KIAA0040: variants seen among roughly 807,000 people sequenced by gnomAD.
KIAA0040 encodes uncharacterized protein KIAA0040.
KIAA0040 carries 10 observed loss-of-function variants against 7.2 expected under a neutral mutation model. The observed-to-expected ratio is 1.38, with a 90% CI of 0.85 to 2.34. The LOEUF (loss-of-function observed/expected upper bound fraction) is 2.34. Ranked by LOEUF, KIAA0040 falls within the 30% of genes most tolerant of loss-of-function variation. The probability of loss-of-function intolerance (pLI) is 0.00; values close to 1 mark genes in which losing one functional copy is unlikely to be tolerated. For synonymous variants in KIAA0040, 49 were observed against 40.1 expected, an observed-to-expected ratio of 1.22 and a Z score of -0.84; for missense variants, 89 against 108.2, an observed-to-expected ratio of 0.82 and a Z score of 0.79.
At chr1:175,182,134 G>C (rs1291791231) in intron 1 of KIAA0040, among the ~76,000 whole-genome samples, 1 of 152,160 alleles carries the variant, frequency 6.6e-6, no homozygotes, top group Non-Finnish European at 1.5e-5. Context: ...GAGTGTCCGG[G>C]GATAGGGCCA....
intron 2 of KIAA0040, among the ~76,000 whole-genome samples, chr1:175,171,075 G>A (rs1676974035): frequency 6.6e-6 from 1 of 152,212 alleles, no homozygotes. Flanking sequence ...GTTTTCCTCA[G>A]ATCTTGGCGT....
chr1:175,185,541 G>A (rs1677627755), intron 1 of KIAA0040, among the ~76,000 whole-genome samples: 1 of 152,138 alleles, frequency 6.6e-6, no homozygotes, highest in Admixed American at 6.5e-5. Flanking sequence ...GACCAGACAG[G>A]AAAAGGTATG....
chr1:175,172,866 A>T (rs1677041441), intron 2 of KIAA0040, among the ~76,000 whole-genome samples: 1 of 152,192 alleles, frequency 6.6e-6, no homozygotes, highest in Non-Finnish European at 1.5e-5. Flanking sequence ...GTGTAAGTAT[A>T]TTTCACACAG....
In KIAA0040 at chr1:175,160,715, T is replaced by C; in HGVS notation, c.299A>G (p.Ter100TrpextTer28). The C allele has an allele frequency of 6.5e-7, 1 of 1,544,256 alleles. No homozygotes were observed. The change falls in exon 4 of 4, where the codon TAG (stop) becomes TGG (tryptophan). Residue 100 changes from the stop codon to tryptophan (W), a stop_lost. Coordinates refer to ENST00000423313, the MANE Select transcript of KIAA0040 (RefSeq NM_014656.3). ...GAAACACCTCTGCTTCCTGCCTAAC[T>C]AAACAGGCAGTGATGGTCTCTTCTC... is the stretch of plus-strand genomic sequence containing the variant. The part of the protein sequence containing the change: ...QMEKRPSLPV[*>W]
chr1:175,192,838 C>CCCGCT (rs1291667016), upstream of KIAA0040: 8 of 150,476 alleles, frequency 5.3e-5, no homozygotes, highest in East Asian at 1.0e-3. Flanking sequence ...CCCGCCCCGC[C>CCCGCT]CCGCTCCACC....
At chr1:175,191,198 T>C (rs6677931) in intron 1 of KIAA0040, among the ~76,000 whole-genome samples, 74,355 of 152,170 alleles carry the variant, frequency 0.49, 18,708 homozygotes, top group Non-Finnish European at 0.56. Flanking sequence ...TATACTGGCC[T>C]GCACACGGTA....
At chr1:175,191,097 T>G (rs1052914278) in intron 1 of KIAA0040, among the ~76,000 whole-genome samples, 11 of 152,218 alleles carry the variant, frequency 7.2e-5, no homozygotes, top group Non-Finnish European at 1.6e-4. Context: ...TATCCTGAAC[T>G]GCAGTTTATT....
At position 175,161,128 on chromosome 1, in the gene KIAA0040, G is replaced by T; in HGVS notation, c.-115C>A. ...TATTCCTCTTCCAGCTTTGGGTTTG[G>T]GCATGCCACTGGCAGCACCTGAAGA... On this transcript the variant is annotated 5_prime_UTR_variant, in exon 4 of 4. Transcript: ENST00000423313. 3.1e-6 allele frequency: 3 copies of T among 977,160 alleles called. No homozygotes were observed. The highest frequency in any genetic ancestry group is 3.0e-6 in the Non-Finnish European group (2 of 667,406). 60.5% of individuals were successfully genotyped at this position (977,160 alleles called of 1,614,324 possible). A position where few individuals can be genotyped will look rare whatever the true frequency, so the allele number is the denominator to read the frequency against.
intron 3 of KIAA0040, among the ~76,000 whole-genome samples, chr1:175,161,653 T>C (rs1185062806): frequency 6.6e-6 from 1 of 152,196 alleles, no homozygotes; most frequent in Non-Finnish European, 1.5e-5. Flanking sequence ...CTGTCTGTAG[T>C]AGGGAACCTG....
chr1:175,188,623 C>A (rs989631371), intron 1 of KIAA0040, among the ~76,000 whole-genome samples: 5 of 152,174 alleles, frequency 3.3e-5, no homozygotes, highest in Admixed American at 2.0e-4. Context: ...CTCTTCCTGA[C>A]AAGTTTGAGG....
At chr1:175,190,875 A>G (rs944264581) in intron 1 of KIAA0040, among the ~76,000 whole-genome samples, 1 of 152,168 alleles carries the variant, frequency 6.6e-6, no homozygotes, top group Non-Finnish European at 1.5e-5. Flanking sequence ...TGTAATTCCT[A>G]TTACACGCTA....
upstream of KIAA0040, chr1:175,192,947 C>G (rs1571225399): frequency 1.3e-5 from 2 of 152,256 alleles, no homozygotes; most frequent in South Asian, 4.1e-4. Context: ...CGCTCCAACT[C>G]TGTCCTGCCC....
intron 2 of KIAA0040, among the ~76,000 whole-genome samples, chr1:175,168,840 C>G (rs1483372125): frequency 6.6e-6 from 1 of 152,210 alleles, no homozygotes; most frequent in Non-Finnish European, 1.5e-5. Context: ...CAGCCCCTTA[C>G]GTCTCTGTGG....
rs915132354 is a variant in KIAA0040 at position 175,158,081 on chromosome 1, G to A, written c.*2633C>T. 6.6e-6 allele frequency: 1 copy of A among 152,402 alleles called. No individual in the cohort carries two copies. The highest frequency in any genetic ancestry group is 1.5e-5 in the Non-Finnish European group (1 of 68,204). The allele number at this position is 152,402 out of a possible 1,614,324, so 9.4% of individuals were successfully genotyped here. On this transcript the variant is annotated 3_prime_UTR_variant, in exon 4 of 4. Transcript: ENST00000423313. Reference sequence around the variant, plus strand: ...AGAAGGAAGTGGAAAGAAGAGAGTGGATATCAACAATGGCCTTAGGCTCCT... The same window carrying A: ...AGAAGGAAGTGGAAAGAAGAGAGTGAATATCAACAATGGCCTTAGGCTCCT...
At chr1:175,174,996 T>C (rs1010131270) in intron 2 of KIAA0040, among the ~76,000 whole-genome samples, 2 of 152,172 alleles carry the variant, frequency 1.3e-5, no homozygotes, top group African/African-American at 4.8e-5. Context: ...GAAGTTTTGT[T>C]TTTGGAGAGC....
chr1:175,180,268 T>C (rs1015076068), intron 1 of KIAA0040, among the ~76,000 whole-genome samples: 2 of 152,258 alleles, frequency 1.3e-5, no homozygotes, highest in African/African-American at 2.4e-5. Context: ...ATTCCCATCA[T>C]GGCATCCTCT....
intron 3 of KIAA0040, among the ~76,000 whole-genome samples, chr1:175,163,113 C>T (rs944234624): frequency 9.2e-5 from 14 of 152,320 alleles, no homozygotes; most frequent in South Asian, 2.1e-4. Context: ...GCTCCAGATC[C>T]GCAAGGAGTG....
rs1416834267 is a variant in KIAA0040 at position 175,158,285 on chromosome 1, T to C, written c.*2429A>G. 6.6e-6 allele frequency: 1 copy of C among 152,176 alleles called. No individual in the cohort carries two copies. Among genetic ancestry groups the C allele is most frequent in the East Asian group, 1.9e-4 (1 of 5,190 alleles). 9.4% of individuals were successfully genotyped at this position (152,176 alleles called of 1,614,324 possible). A position where few individuals can be genotyped will look rare whatever the true frequency, so the allele number is the denominator to read the frequency against. The stretch of plus-strand genomic sequence containing the variant: ...TGACTGAGAAGTGAGTTTCTGGGTG[T>C]TTCATCCCTGGGGTGAGAGCAAGTC... On this transcript the variant is annotated 3_prime_UTR_variant, in exon 4 of 4. Coordinates refer to ENST00000423313, the MANE Select transcript of KIAA0040 (RefSeq NM_014656.3).
rs1258379001 is a variant in KIAA0040, at chr1:175,158,236, C to A, written c.*2478G>T. ...GAGAGGCCCCATTCTGGGTTTGGCT[C>A]TTCTGAGTCATCGGCTGTGGAAGTG... On this transcript the variant is annotated 3_prime_UTR_variant, in exon 4 of 4. Coordinates refer to ENST00000423313, the MANE Select transcript of KIAA0040 (RefSeq NM_014656.3). 6.6e-6 allele frequency: 1 copy of A among 152,356 alleles called. No homozygotes were observed. The highest frequency in any genetic ancestry group is 6.5e-5 in the Admixed American group (1 of 15,282). The allele number at this position is 152,356 out of a possible 1,614,324, so 9.4% of individuals were successfully genotyped here. A position where few individuals can be genotyped will look rare whatever the true frequency, so the allele number is the denominator to read the frequency against.
Sources: gnomAD v4.1 joint callset for allele counts (sites outside exome capture counted in the v4.1 genomes callset) on GRCh38, gnomAD v4.1.1 for gene constraint, MANE v1.5 for transcripts, NCBI Gene and HGNC (gene_info 2026-07-23, HGNC 2026-07-21) for gene names.